CD36: variants seen among roughly 807,000 people sequenced by gnomAD.
CD36 encodes the protein platelet glycoprotein 4.
In CD36, 119 loss-of-function variants were observed where a neutral mutation model predicts 55.2. The ratio of observed to expected loss-of-function variants is 2.15; its 90% CI spans 1.86 to 2.51. The LOEUF (loss-of-function observed/expected upper bound fraction) is 2.51, where lower values mean the gene tolerates loss of function less well. CD36 is among the 30% of genes most tolerant of loss of function. The pLI, the probability that CD36 is intolerant of heterozygous loss-of-function variation, is 0.00. For missense variants in CD36, 819 were observed against 555.5 expected (o/e 1.47, Z -4.77); for synonymous variants, 186 against 193.6 (o/e 0.96, Z 0.33).
intron 2 of CD36, 52 bp from the exon 3 acceptor site, chr7:80,646,600 C>CT: frequency 1.0e-6 from 1 of 990,192 alleles, no homozygotes; most frequent in South Asian, 1.4e-5. Context: ...GTACTTTGAT[C>CT]TTTTTGTACT....
chr7:80,642,914 C>A (rs983501701), intron 1 of CD36, among the ~76,000 whole-genome samples: 2 of 152,090 alleles, frequency 1.3e-5, no homozygotes, highest in Non-Finnish European at 2.9e-5. Context: ...TTACTTGATA[C>A]TTCTGTTTTC....
intron 14 of CD36, among the ~76,000 whole-genome samples, chr7:80,675,313 C>T (rs1241955220): frequency 6.6e-6 from 1 of 151,472 alleles, no homozygotes; most frequent in Admixed American, 6.6e-5. Context: ...TGTAATAGAT[C>T]ATCCGCTGAA....
At chr7:80,669,930 T>C (rs773216910) in intron 8 of CD36, 23 bp from the exon 9 acceptor site, 1 of 1,570,042 alleles carries the variant, frequency 6.4e-7, no homozygotes, top group Admixed American at 1.7e-5. Flanking sequence ...CATCTAATCA[T>C]TTGCCACTCG....
intron 6 of CD36, 73 bp downstream of exon 6, chr7:80,663,242 A>C: frequency 1.6e-6 from 2 of 1,289,596 alleles, no homozygotes; most frequent in Non-Finnish European, 2.3e-6. Context: ...GCAAGGCATA[A>C]TTTTATAATT....
upstream of CD36, among the ~76,000 whole-genome samples, chr7:80,637,570 T>G (rs1451411233): frequency 7.5e-6 from 1 of 133,920 alleles, no homozygotes; most frequent in South Asian, 3.1e-4. Flanking sequence ...GTGTTTGGGG[T>G]TTTTTTTTTC....
chr7:80,647,209 C>A, intron 3 of CD36: 1 of 278,584 alleles, frequency 3.6e-6, no homozygotes, highest in Non-Finnish European at 7.1e-6. Flanking sequence ...TTTGTAAAAG[C>A]ACATTTATAA....
intron 3 of CD36, among the ~76,000 whole-genome samples, chr7:80,650,879 G>A (rs548078021): frequency 1.3e-4 from 19 of 148,032 alleles, no homozygotes; most frequent in African/African-American, 4.2e-4. Context: ...ATTTTTGACC[G>A]TGATTCTTAA....
At chr7:80,630,592 G>C (rs17263407) in intron 1 of CD36, among the ~76,000 whole-genome samples, 48,238 of 151,802 alleles carry the variant, frequency 0.32, 8,086 homozygotes, top group South Asian at 0.44. Context: ...CTTTTAATTT[G>C]GGATTCCAGA....
rs1035659514 is a variant in CD36, at chr7:80,673,581, T to G, written c.1254+172T>G. ...AGATGATCCAATTGAACAAAAACAT[T>G]TCCTATCATTTAAGATTTTCTTCAA... is the stretch of plus-strand genomic sequence containing the variant. On this transcript the variant is annotated intron_variant, in intron 13 of 14. Coordinates refer to ENST00000447544, the MANE Select transcript of CD36 (RefSeq NM_001001548.3). The G allele has an allele frequency of 1.7e-5, 10 of 584,724 alleles. No individual in the cohort carries two copies. In the East Asian group the frequency reaches 2.8e-4, roughly 17 times the overall value. The allele number at this position is 584,724 out of a possible 1,614,324, so 36.2% of individuals were successfully genotyped here.
At chr7:80,611,962 A>G (rs768287978) in intron 1 of CD36, among the ~76,000 whole-genome samples, 15 of 152,194 alleles carry the variant, frequency 9.9e-5, no homozygotes, top group South Asian at 2.1e-4. Flanking sequence ...GAATGATTTT[A>G]TCTAAAGTAA....
rs11574716 is a variant in CD36, at chr7:80,667,142, G to A, written c.748+653G>A. 6.8e-3 allele frequency among the ~76,000 whole-genome samples: 1,037 copies of A among 152,178 alleles called. 25 individuals are homozygous for A. In the East Asian group the frequency reaches 0.082, roughly 12 times the overall value. The stretch of plus-strand genomic sequence containing the variant: ...AGAATTAAGATTTTTAAAAAGCAAT[G>A]GGAGGCTGGTCACAGTGGCTCATGT... On this transcript the variant is annotated intron_variant, in intron 8 of 14. Transcript: ENST00000447544.
chr7:80,611,054 G>GT (rs1225498322), intron 1 of CD36, among the ~76,000 whole-genome samples: 1 of 151,738 alleles, frequency 6.6e-6, no homozygotes, highest in Non-Finnish European at 1.5e-5. Context: ...TTTTGTGGTT[G>GT]TTTCTTTCTG....
chr7:80,666,508 TGG>T lies in CD36; in HGVS notation c.748+20_748+21del. On this transcript the variant is annotated intron_variant, in intron 8 of 14. Transcript: ENST00000447544. Reference sequence around the variant, plus strand: ...GGTACAGGTAAGAATATTTGTTTTGTGGTCATCACAGTTAATCCACCTCCCTT... The same window carrying T: ...GGTACAGGTAAGAATATTTGTTTTGTTCATCACAGTTAATCCACCTCCCTT... 6.3e-7 allele frequency: 1 copy of T among 1,591,952 alleles called. No individual in the cohort carries two copies.
At chr7:80,653,888 T>C (rs912225758) in intron 3 of CD36, among the ~76,000 whole-genome samples, 2 of 152,136 alleles carry the variant, frequency 1.3e-5, no homozygotes, top group African/African-American at 4.8e-5. Flanking sequence ...ATCATGATGC[T>C]ATGGAAACTA....
chr7:80,641,262 A>T (rs188215350), intron 1 of CD36, among the ~76,000 whole-genome samples: 1 of 152,186 alleles, frequency 6.6e-6, no homozygotes, highest in African/African-American at 2.4e-5. Context: ...TAGTTAAATG[A>T]TTGTTTTACA....
chr7:80,606,521 T>C (rs1792557918), intron 1 of CD36, among the ~76,000 whole-genome samples: 1 of 152,218 alleles, frequency 6.6e-6, no homozygotes, highest in African/African-American at 2.4e-5. Flanking sequence ...TTTCACCTAA[T>C]GCCTCTCAAT....
At chr7:80,605,779 A>G (rs1194177) in intron 1 of CD36, among the ~76,000 whole-genome samples, 82,561 of 152,028 alleles carry the variant, frequency 0.54, 23,832 homozygotes, top group African/African-American at 0.73. Flanking sequence ...GTCTCCTGGG[A>G]AGACCTTTAA....
rs1472112047 is a variant in CD36, at chr7:80,666,472, A to T, written c.731A>T (p.Asp244Val). ...RNLSYWESHC[D>V]MINGTDAASF... Reference sequence around the variant, plus strand: ...CTGTCCTATTGGGAAAGTCACTGCGACATGATTAATGGTACAGGTAAGAAT... The same window carrying T: ...CTGTCCTATTGGGAAAGTCACTGCGTCATGATTAATGGTACAGGTAAGAAT... The change falls in exon 8 of 15, where the codon GAC (aspartate) becomes GTC (valine). Residue 244 changes from aspartate (D) to valine (V), a missense_variant. Transcript: ENST00000447544. 1.2e-6 allele frequency: 2 copies of T among 1,608,324 alleles called. No individual in the cohort carries two copies. Among genetic ancestry groups the T allele is most frequent in the Non-Finnish European group, 1.7e-6 (2 of 1,175,318 alleles).
intron 4 of CD36, among the ~76,000 whole-genome samples, chr7:80,660,733 G>T (rs1308346436): frequency 6.6e-6 from 1 of 152,074 alleles, no homozygotes; most frequent in African/African-American, 2.4e-5. Flanking sequence ...CATTTATGTA[G>T]ACTTGTACTA....
Sources: gnomAD v4.1 joint callset for allele counts (sites outside exome capture counted in the v4.1 genomes callset) on GRCh38, gnomAD v4.1.1 for gene constraint, MANE v1.5 for transcripts, NCBI Gene and HGNC (gene_info 2026-07-23, HGNC 2026-07-21) for gene names.